Variants in RARB observed in about 807,000 individuals in gnomAD.
The protein encoded by RARB is HBV-activated protein.
In RARB, 17 loss-of-function variants were observed where a neutral mutation model predicts 51.9. The ratio of observed to expected loss-of-function variants is 0.33; its 90% CI spans 0.22 to 0.49. RARB has a LOEUF of 0.49. Among genes scored for constraint, RARB ranks in the 20% least tolerant of loss-of-function variants. The probability of loss-of-function intolerance (pLI) is 0.99; values close to 1 mark genes in which losing one functional copy is unlikely to be tolerated. For missense variants in RARB, 369 were observed against 550.8 expected (o/e 0.67, Z 3.30); for synonymous variants, 215 against 195.4 (o/e 1.10, Z -0.84).
chr3:25,344,591 T>C (rs548080034), intron 5 of RARB, among the ~76,000 whole-genome samples: 1 of 152,344 alleles, frequency 6.6e-6, no homozygotes, highest in South Asian at 2.1e-4. Flanking sequence ...ACATGTTTTT[T>C]CCTTTTGACT....
intron 2 of RARB, among the ~76,000 whole-genome samples, chr3:25,003,444 C>CTT (rs1697208583): frequency 6.6e-6 from 1 of 152,096 alleles, no homozygotes; most frequent in Non-Finnish European, 1.5e-5. Context: ...ATGGTCCACT[C>CTT]TTGTTTCTAC....
chr3:25,498,884 G>C (rs1346728103), intron 2 of RARB, among the ~76,000 whole-genome samples: 1 of 152,102 alleles, frequency 6.6e-6, no homozygotes, highest in Non-Finnish European at 1.5e-5. Context: ...ATTTTTTGTA[G>C]GGAAAGATAT....
intron 5 of RARB, among the ~76,000 whole-genome samples, chr3:25,356,128 G>A (rs969956742): frequency 3.0e-4 from 45 of 152,108 alleles, no homozygotes; most frequent in African/African-American, 9.9e-4. Context: ...GAGAGTAAGT[G>A]CTGTATCTAT....
At chr3:24,831,426 C>T (rs1438580874) in intron 1 of RARB, among the ~76,000 whole-genome samples, 1 of 152,096 alleles carries the variant, frequency 6.6e-6, no homozygotes, top group Admixed American at 6.5e-5. Context: ...TCTGAGACGC[C>T]ATCAGGGAGT....
chr3:25,217,627 G>A (rs1248624831), intron 5 of RARB, among the ~76,000 whole-genome samples: 1 of 152,144 alleles, frequency 6.6e-6, no homozygotes, highest in Non-Finnish European at 1.5e-5. Context: ...GTTACTAGCT[G>A]TGTGACCTTT....
At chr3:25,343,978 C>T (rs1008501600) in intron 5 of RARB, among the ~76,000 whole-genome samples, 3 of 152,120 alleles carry the variant, frequency 2.0e-5, no homozygotes, top group East Asian at 1.9e-4. Flanking sequence ...TTGATGCCTG[C>T]CATCATGGTC....
intron 2 of RARB, among the ~76,000 whole-genome samples, chr3:25,053,782 T>C (rs1046302764): frequency 1.3e-5 from 2 of 152,172 alleles, no homozygotes; most frequent in African/African-American, 4.8e-5. Context: ...CCAAATCAGT[T>C]ACGGAACTGG....
intron 2 of RARB, among the ~76,000 whole-genome samples, chr3:24,960,761 T>A (rs1288295870): frequency 3.4e-5 from 1 of 28,994 alleles, no homozygotes; most frequent in Non-Finnish European, 6.1e-5. Context: ...AGCCTTTGGA[T>A]TTTTTTTTTT....
intron 3 of RARB, among the ~76,000 whole-genome samples, chr3:25,094,585 G>A (rs1410097525): frequency 6.6e-6 from 1 of 151,794 alleles, no homozygotes; most frequent in Admixed American, 6.6e-5. Flanking sequence ...AGGTGTGATG[G>A]CATGCGCCTG....
rs1003754148 is a variant in RARB at position 25,191,577 on chromosome 3, G to C, written c.178+17002G>C. On this transcript the variant is annotated intron_variant, in intron 5 of 11. Coordinates refer to the RARB transcript ENST00000383772. ...TTCCAAAGCACATGGGGAAATAAGT[G>C]AAAAGATCCATATTGAGCTTTTAAA... is the stretch of plus-strand genomic sequence containing the variant. 2.0e-5 allele frequency among the ~76,000 whole-genome samples: 3 copies of C among 152,242 alleles called. No homozygotes were observed. In the South Asian group the frequency reaches 6.2e-4, roughly 32 times the overall value.
In RARB at chr3:25,000,299, C is replaced by A. The variant is rs372223987; in HGVS notation, c.-379-59826C>A. Among the ~76,000 whole-genome samples, 6 of 152,154 alleles carry A rather than the reference C, an allele frequency of 3.9e-5. No homozygotes were observed. In the South Asian group the frequency reaches 1.0e-3, roughly 26 times the overall value. Reference sequence around the variant, plus strand: ...TTAATTCAAAGTAATACAAATGTTTCCATAGACCTTGCAAATTCAAGGGAG... The same window carrying A: ...TTAATTCAAAGTAATACAAATGTTTACATAGACCTTGCAAATTCAAGGGAG... On this transcript the variant is annotated intron_variant, in intron 2 of 11. Transcript: ENST00000383772.
At chr3:25,040,512 C>G (rs1046441184) in intron 2 of RARB, among the ~76,000 whole-genome samples, 2 of 152,120 alleles carry the variant, frequency 1.3e-5, no homozygotes, top group African/African-American at 4.8e-5. Context: ...GTCGGCAGAT[C>G]GCTTGAGGAC....
At chr3:25,147,214 T>C (rs1055249558) in intron 4 of RARB, among the ~76,000 whole-genome samples, 4 of 152,144 alleles carry the variant, frequency 2.6e-5, no homozygotes, top group Admixed American at 6.5e-5. Context: ...TAACAAGCAC[T>C]CTAGGTGATT....
intron 2 of RARB, among the ~76,000 whole-genome samples, chr3:24,953,287 A>G (rs1402123095): frequency 2.0e-5 from 3 of 152,178 alleles, no homozygotes; most frequent in Non-Finnish European, 4.4e-5. Flanking sequence ...GGAGGAAGAA[A>G]TGCATATTCA....
intron 5 of RARB, among the ~76,000 whole-genome samples, chr3:25,177,822 C>G (rs773051912): frequency 2.6e-5 from 4 of 152,128 alleles, no homozygotes; most frequent in Non-Finnish European, 5.9e-5. Flanking sequence ...GTCATTTAAC[C>G]TCTCTGAATT....
Position 25,016,710 on chromosome 3 carries a change from A to G in RARB, c.-379-43415A>G, listed in dbSNP as rs58163967. 9.4e-3 allele frequency among the ~76,000 whole-genome samples: 1,426 copies of G among 152,216 alleles called. 25 individuals are homozygous for G. Among genetic ancestry groups the G allele is most frequent in the African/African-American group, 0.032 (1,347 of 41,550 alleles). On this transcript the variant is annotated intron_variant, in intron 2 of 11. Transcript: ENST00000383772. Reference sequence around the variant, plus strand: ...TGTGGCAGAAATTCAATCATGGTCAATATAGCATTTCTTTTTTCCCCCCAG... The same window carrying G: ...TGTGGCAGAAATTCAATCATGGTCAGTATAGCATTTCTTTTTTCCCCCCAG...
At chr3:25,338,549 A>G (rs1417540727) in intron 5 of RARB, among the ~76,000 whole-genome samples, 1 of 152,148 alleles carries the variant, frequency 6.6e-6, no homozygotes. Flanking sequence ...TTTGACATCT[A>G]GCCAAAAGGC....
chr3:24,953,467 G>C (rs990835944), intron 2 of RARB, among the ~76,000 whole-genome samples: 2 of 152,170 alleles, frequency 1.3e-5, no homozygotes, highest in African/African-American at 4.8e-5. Context: ...GGAAACACTA[G>C]TGCATTTAAG....
chr3:25,167,439 A>G (rs1700578129), intron 4 of RARB, among the ~76,000 whole-genome samples: 1 of 152,206 alleles, frequency 6.6e-6, no homozygotes, highest in Non-Finnish European at 1.5e-5. Context: ...TAAATGAACA[A>G]AGTACTGAAA....
Sources: allele counts gnomAD v4.1 joint callset (sites outside exome capture counted in the v4.1 genomes callset), GRCh38; gene constraint gnomAD v4.1.1; transcripts MANE v1.5; gene names NCBI Gene and HGNC (gene_info 2026-07-23, HGNC 2026-07-21).